Variants in HECW1 observed in about 807,000 individuals in gnomAD.
HECW1 encodes the protein HECT, C2 and WW domain containing E3 ubiquitin protein ligase 1, also known as E3 ubiquitin-protein ligase HECW1.
HECW1 carries 61 observed loss-of-function variants against 182.3 expected under a neutral mutation model. That is an observed-to-expected ratio of 0.33 (90% CI 0.27 to 0.41). HECW1 has a LOEUF of 0.41. HECW1 is among the 10% of genes least tolerant of loss of function. HECW1 has a pLI of 1.00. For missense variants in HECW1, 1,739 were observed against 2,108.9 expected, an observed-to-expected ratio of 0.82 and a Z score of 3.44; for synonymous variants, 859 against 832.6, an observed-to-expected ratio of 1.03 and a Z score of -0.55.
At chr7:43,265,338 C>T (rs1484110606) in intron 3 of HECW1, among the ~76,000 whole-genome samples, 1 of 152,180 alleles carries the variant, frequency 6.6e-6, no homozygotes, top group Non-Finnish European at 1.5e-5. Context: ...GAATTGGTCC[C>T]ATGGCCCTCC....
chr7:43,519,323 G>A (rs1003191419), intron 24 of HECW1, among the ~76,000 whole-genome samples: 4 of 151,876 alleles, frequency 2.6e-5, no homozygotes, highest in African/African-American at 4.8e-5. Flanking sequence ...TTGGCTCACT[G>A]CAACCTCCAC....
At chr7:43,335,511 C>A (rs1474064392) in intron 5 of HECW1, among the ~76,000 whole-genome samples, 1 of 152,162 alleles carries the variant, frequency 6.6e-6, no homozygotes, top group East Asian at 1.9e-4. Context: ...GGAAGAGAGC[C>A]CTTAGCAGAA....
chr7:43,550,565 G>T lies in HECW1; in HGVS notation c.4369G>T (p.Glu1457Ter). The T allele has an allele frequency of 6.2e-7, 1 of 1,608,600 alleles. No homozygotes were observed. Among genetic ancestry groups the T allele is most frequent in the Non-Finnish European group, 8.5e-7 (1 of 1,177,658 alleles). The change falls in exon 27 of 30, where the codon GAG (glutamate) becomes TAG (stop). Residue 1457 changes from glutamate (E) to a stop codon, truncating the protein, a stop_gained. Transcript: ENST00000395891. LOFTEE classifies it high-confidence loss of function. ...RVERGVVQQT[E>*]ALVRGFYEVV... ...GGAGCGCGGCGTGGTACAGCAGACC[G>T]AGGCGCTGGTGCGCGGCTTCTACGA...
Position 43,202,798 on chromosome 7 carries a change from G to A in HECW1, c.-31-41077G>A, listed in dbSNP as rs574636403. On this transcript the variant is annotated intron_variant, in intron 2 of 29. Transcript: ENST00000395891. The stretch of plus-strand genomic sequence containing the variant: ...TGGCCTGAAGCAAGTGAAGAATCAC[G>A]AAAGAAGTGAAAATGGCTGATTCCT... Among the ~76,000 whole-genome samples, 9 of 152,290 alleles carry A rather than the reference G, an allele frequency of 5.9e-5. No individual in the cohort carries two copies. The East Asian group carries it at 1.2e-3, about 20-fold the overall frequency.
intron 2 of HECW1, among the ~76,000 whole-genome samples, chr7:43,120,100 G>A (rs1785434593): frequency 6.6e-6 from 1 of 152,174 alleles, no homozygotes; most frequent in African/African-American, 2.4e-5. Context: ...CTCCTGGAGT[G>A]GACATTGTGT....
intron 7 of HECW1, among the ~76,000 whole-genome samples, chr7:43,404,771 T>C (rs1482689986): frequency 6.6e-6 from 1 of 151,200 alleles, no homozygotes; most frequent in African/African-American, 2.4e-5. Context: ...ACGTCAAGAG[T>C]TTAAGACCAG....
chr7:43,392,398 A>G (rs1246699750), intron 6 of HECW1, among the ~76,000 whole-genome samples: 1 of 152,244 alleles, frequency 6.6e-6, no homozygotes, highest in Non-Finnish European at 1.5e-5. Context: ...ACCCAAAGGA[A>G]GTAAACCCAG....
At chr7:43,323,353 G>A (rs749367376) in intron 5 of HECW1, among the ~76,000 whole-genome samples, 1 of 152,134 alleles carries the variant, frequency 6.6e-6, no homozygotes, top group African/African-American at 2.4e-5. Flanking sequence ...CCCAGCTTTG[G>A]GAGGCCAGGG....
rs377076969 is a variant in HECW1 at position 43,532,232 on chromosome 7, G to A, written c.4020-8931G>A. Among the ~76,000 whole-genome samples the A allele has an allele frequency of 1.1e-3, 161 of 152,090 alleles. 1 individual carries two copies. The highest frequency in any genetic ancestry group is 3.5e-3 in the African/African-American group (144 of 41,470). On this transcript the variant is annotated intron_variant, in intron 24 of 29. Transcript: ENST00000395891. ...AATGCATCAGTAAATTCCCTTGGCTGTATCTTGAGAATACATCCAGACTCT... is the reference window on the plus strand; with the variant it reads ...AATGCATCAGTAAATTCCCTTGGCTATATCTTGAGAATACATCCAGACTCT...
intron 3 of HECW1, among the ~76,000 whole-genome samples, chr7:43,295,306 G>T (rs78303262): frequency 0.014 from 2,175 of 152,092 alleles, 54 homozygotes; most frequent in African/African-American, 0.049. Flanking sequence ...AATTGTGAGG[G>T]GGGTATATGG....
intron 5 of HECW1, among the ~76,000 whole-genome samples, chr7:43,321,387 T>C (rs1234267763): frequency 6.6e-6 from 1 of 152,208 alleles, no homozygotes; most frequent in Admixed American, 6.5e-5. Flanking sequence ...GGCAGGCTTT[T>C]TTCATGGGTC....
intron 2 of HECW1, among the ~76,000 whole-genome samples, chr7:43,120,447 A>C (rs1219334638): frequency 6.6e-6 from 1 of 151,990 alleles, no homozygotes; most frequent in African/African-American, 2.4e-5. Flanking sequence ...CTCCCCTTCT[A>C]ACTTGTAATC....
intron 11 of HECW1, among the ~76,000 whole-genome samples, chr7:43,449,661 A>G (rs956379704): frequency 2.6e-5 from 4 of 152,220 alleles, no homozygotes; most frequent in Admixed American, 2.0e-4. Context: ...TTTTGACCCA[A>G]GGGATAATGG....
intron 11 of HECW1, 142 bp from the exon 12 acceptor site, chr7:43,450,686 T>C (rs2077204784): frequency 3.2e-6 from 2 of 623,608 alleles, no homozygotes; most frequent in Non-Finnish European, 2.9e-6. Flanking sequence ...ACTGTGAATG[T>C]AGCAAACTGA....
intron 3 of HECW1, among the ~76,000 whole-genome samples, chr7:43,252,549 A>T (rs1800148188): frequency 6.6e-6 from 1 of 152,268 alleles, no homozygotes; most frequent in African/African-American, 2.4e-5. Flanking sequence ...GGCCCAAGCC[A>T]TGCAGAGGCT....
chr7:43,208,691 G>A (rs535564696), intron 2 of HECW1, among the ~76,000 whole-genome samples: 12 of 152,300 alleles, frequency 7.9e-5, no homozygotes, highest in East Asian at 7.7e-4. Context: ...TGGTGGTTTA[G>A]GTCTAGGACA....
chr7:43,284,702 A>T (rs1340218112), intron 3 of HECW1, among the ~76,000 whole-genome samples: 2 of 152,092 alleles, frequency 1.3e-5, no homozygotes, highest in Non-Finnish European at 2.9e-5. Flanking sequence ...ACATCTCCCC[A>T]ATTTCCCTTC....
intron 2 of HECW1, among the ~76,000 whole-genome samples, chr7:43,195,884 T>A (rs534338005): frequency 7.9e-5 from 12 of 152,274 alleles, no homozygotes; most frequent in African/African-American, 2.9e-4. Context: ...CACCCATTTT[T>A]ACACCAAATA....
At chr7:43,523,454 A>C (rs747145986) in intron 24 of HECW1, among the ~76,000 whole-genome samples, 4 of 152,134 alleles carry the variant, frequency 2.6e-5, no homozygotes, top group Non-Finnish European at 4.4e-5. Flanking sequence ...AGAGAGCAAA[A>C]AGTGGATGGA....
Sources: gnomAD v4.1 joint callset for allele counts (sites outside exome capture counted in the v4.1 genomes callset) on GRCh38, gnomAD v4.1.1 for gene constraint, MANE v1.5 for transcripts, NCBI Gene and HGNC (gene_info 2026-07-23, HGNC 2026-07-21) for gene names.